The following TM4SF19 variants were observed in gnomAD, a reference collection of about 807,000 sequenced individuals.
TM4SF19 encodes transmembrane 4 L6 family member 19.
TM4SF19 carries 17 observed loss-of-function variants against 21.8 expected under a neutral mutation model. That is an observed-to-expected ratio of 0.78 (90% CI 0.53 to 1.17). The LOEUF is 1.17. Among genes scored for constraint, TM4SF19 ranks in the 50% most tolerant of loss-of-function variants. The probability of loss-of-function intolerance (pLI) is 0.00; values close to 1 mark genes in which losing one functional copy is unlikely to be tolerated. For missense variants in TM4SF19, 216 were observed against 252.1 expected, an observed-to-expected ratio of 0.86 and a Z score of 0.97; for synonymous variants, 107 against 106.7, an observed-to-expected ratio of 1.00 and a Z score of -0.02.
chr3:196,327,917 T>C (rs1385484483), intron 1 of TM4SF19, among the ~76,000 whole-genome samples: 1 of 152,218 alleles, frequency 6.6e-6, no homozygotes, highest in East Asian at 1.9e-4. Context: ...TGATGTCCAT[T>C]GTCTCCACTT....
chr3:196,327,215 C>T (rs12054137), intron 2 of TM4SF19, among the ~76,000 whole-genome samples, 175 bp downstream of exon 2: 43,759 of 152,038 alleles, frequency 0.29, 6,454 homozygotes, highest in Middle Eastern at 0.39. Context: ...CTTTCACACC[C>T]GACCTGCCTG....
intron 1 of TM4SF19, among the ~76,000 whole-genome samples, chr3:196,336,224 C>T (rs1412169834): frequency 1.3e-5 from 2 of 152,042 alleles, no homozygotes; most frequent in African/African-American, 4.8e-5. Flanking sequence ...CTGCTACCTC[C>T]GCCTCCTGGG....
At chr3:196,328,282 A>C (rs902997883) in intron 1 of TM4SF19, among the ~76,000 whole-genome samples, 3 of 151,664 alleles carry the variant, frequency 2.0e-5, no homozygotes, top group Middle Eastern at 3.2e-3. Context: ...CCTGGGTGAC[A>C]CAGCAAGACT....
intron 1 of TM4SF19, among the ~76,000 whole-genome samples, chr3:196,335,602 T>G (rs1727724666): frequency 6.7e-6 from 1 of 148,486 alleles, no homozygotes; most frequent in Non-Finnish European, 1.5e-5. Context: ...TGGGGCAGGG[T>G]GGGGTCAGGA....
intron 1 of TM4SF19, 124 bp downstream of exon 1, chr3:196,338,139 GA>G (rs1157711230): frequency 6.6e-6 from 1 of 152,430 alleles, no homozygotes; most frequent in Non-Finnish European, 1.5e-5. Flanking sequence ...GAAGGTAAGT[GA>G]ATGGCGCAAA....
intron 1 of TM4SF19, among the ~76,000 whole-genome samples, chr3:196,333,123 C>T (rs1011773317): frequency 3.9e-5 from 6 of 152,350 alleles, no homozygotes; most frequent in East Asian, 1.9e-4. Context: ...GTTGGGATTA[C>T]AGGCGTAAGC....
chr3:196,336,950 A>G (rs961666144), intron 1 of TM4SF19, among the ~76,000 whole-genome samples: 23 of 152,042 alleles, frequency 1.5e-4, no homozygotes, highest in African/African-American at 5.1e-4. Context: ...ACTACCTGAC[A>G]GACACTTGGG....
intron 1 of TM4SF19, among the ~76,000 whole-genome samples, chr3:196,329,893 A>G (rs1727439272): frequency 8.7e-6 from 1 of 114,360 alleles, no homozygotes; most frequent in African/African-American, 2.9e-5. Context: ...TTTTTTTGAG[A>G]CAGAGTCTTG....
rs113847222 is a variant in TM4SF19, at chr3:196,334,865, A to C, written c.-2+3399T>G. On this transcript the variant is annotated intron_variant, in intron 1 of 4. Transcript: ENST00000273695. ...GGGGGTTAGGAGAAGGGAGGGGTGC[A>C]CTGGGAGGGTGGGTGTAGGAGAGGG... Among the ~76,000 whole-genome samples, 34 of 34,146 alleles carry C rather than the reference A, an allele frequency of 1.0e-3. 6 individuals carry two copies. The highest frequency in any genetic ancestry group is 3.4e-3 in the South Asian group (2 of 592). 22.4% of individuals were successfully genotyped at this position (34,146 alleles called of 152,430 possible). A position where few individuals can be genotyped will look rare whatever the true frequency, so the allele number is the denominator to read the frequency against.
rs185911952 is a variant in TM4SF19, at chr3:196,327,557, G to A, written c.34C>T (p.Arg12Trp). ...AGTCCCAGGATACGGGAGCAAGTCC[G>A]TGAGCTTGCCTGCGTGCAGGGAGAG... is the stretch of plus-strand genomic sequence containing the variant. ...VSSPCTQASS[R>W]TCSRILGLSL... The change falls in exon 2 of 5, where the codon CGG becomes TGG. Residue 12 changes from arginine (R) to tryptophan (W), a missense_variant. By Grantham distance (101) the Arg-to-Trp change is moderately radical. Transcript: ENST00000273695. 2.9e-5 allele frequency: 46 copies of A among 1,613,718 alleles called. No individual in the cohort carries two copies. In the East Asian group the frequency reaches 3.1e-4, roughly 11 times the overall value.
At chr3:196,324,709 C>G in intron 3 of TM4SF19, 4 of 436,020 alleles carry the variant, frequency 9.2e-6, no homozygotes, top group African/African-American at 2.0e-5. Flanking sequence ...TCGCAGGCCC[C>G]GGATCTCCCT....
Position 196,323,619 on chromosome 3 carries a change from T to C in TM4SF19, c.*198A>G. ...ATAACTTAGTTATTTATCCTATCCATGGATCACCTGGAAGTTTACAATGTG... is the reference window on the plus strand; with the variant it reads ...ATAACTTAGTTATTTATCCTATCCACGGATCACCTGGAAGTTTACAATGTG... On this transcript the variant is annotated 3_prime_UTR_variant, in exon 5 of 5. Coordinates refer to ENST00000273695, the MANE Select transcript of TM4SF19 (RefSeq NM_138461.4). The C allele has an allele frequency of 9.9e-7, 1 of 1,011,160 alleles. No homozygotes were observed. The highest frequency in any genetic ancestry group is 1.7e-5 in the South Asian group (1 of 60,084). 62.6% of individuals were successfully genotyped at this position (1,011,160 alleles called of 1,614,324 possible).
Position 196,327,499 on chromosome 3 carries a change from CCAG to C in TM4SF19, c.89_91del (p.Ala30del). 1 of 1,614,106 alleles carries C rather than the reference CCAG, an allele frequency of 6.2e-7. No homozygotes were observed. The highest frequency in any genetic ancestry group is 8.5e-7 in the Non-Finnish European group (1 of 1,180,032). The stretch of plus-strand genomic sequence containing the variant: ...AGGAAGGAGGAGTGCCACGTTGGCC[CCAG>C]CAGCAAACAGGGCTGCAGTCCCAAG... On this transcript the variant is annotated inframe_deletion, in exon 2 of 5. Coordinates refer to ENST00000273695, the MANE Select transcript of TM4SF19 (RefSeq NM_138461.4).
chr3:196,336,263 T>A (rs1366596886), intron 1 of TM4SF19, among the ~76,000 whole-genome samples: 2 of 151,968 alleles, frequency 1.3e-5, no homozygotes, highest in Non-Finnish European at 2.9e-5. Flanking sequence ...CTCAGACTCC[T>A]GAGTAGCTGG....
intron 3 of TM4SF19, chr3:196,324,672 T>C (rs2108804861): frequency 1.1e-5 from 6 of 525,068 alleles, no homozygotes; most frequent in South Asian, 5.3e-5. Context: ...GAGGGGTTTC[T>C]AGGAGAGAAA....
chr3:196,330,772 G>C (rs963046376), intron 1 of TM4SF19, among the ~76,000 whole-genome samples: 3 of 152,172 alleles, frequency 2.0e-5, no homozygotes, highest in African/African-American at 7.2e-5. Context: ...CTAGATTCTG[G>C]TGGTGAATAC....
At chr3:196,328,058 T>C (rs1727369415) in intron 1 of TM4SF19, among the ~76,000 whole-genome samples, 1 of 152,038 alleles carries the variant, frequency 6.6e-6, no homozygotes, top group East Asian at 1.9e-4. Flanking sequence ...TCCCAGCACT[T>C]TGGGAGGCTG....
At position 196,324,313 on chromosome 3, in the gene TM4SF19, T is replaced by C. The variant is rs200479407; in HGVS notation, c.407A>G (p.Gln136Arg). Residue 136 changes from glutamine (Q) to arginine (R), a missense_variant, in exon 4 of 5, where the codon CAA (glutamine) becomes CGA (arginine). Transcript: ENST00000273695. ...GAATGGGTAACCATATTTCCAAGCT[T>C]GTGTCTGATTGAAGGATGAAACATC... ...MFDVSSFNQT[Q>R]AWKYGYPFKD... 2.6e-4 allele frequency: 415 copies of C among 1,614,028 alleles called. No individual in the cohort carries two copies. The highest frequency in any genetic ancestry group is 3.3e-4 in the Non-Finnish European group (392 of 1,180,034).
rs1186905060 is a variant in TM4SF19, at chr3:196,323,871, GACC to G, written c.573_575del (p.Val193del). The G allele has an allele frequency of 1.2e-6, 2 of 1,614,046 alleles. No homozygotes were observed. The highest frequency in any genetic ancestry group is 2.7e-5 in the African/African-American group (2 of 74,926). On this transcript the variant is annotated inframe_deletion, in exon 5 of 5. Coordinates refer to ENST00000273695, the MANE Select transcript of TM4SF19 (RefSeq NM_138461.4). ...CCAGGAGGCTGTTGATGACATGAAC[GACC>G]ACCAGGAGAAGCTGGAGCAGGCTGA...
Sources: allele counts gnomAD v4.1 joint callset (sites outside exome capture counted in the v4.1 genomes callset), GRCh38; gene constraint gnomAD v4.1.1; transcripts MANE v1.5; gene names NCBI Gene and HGNC (gene_info 2026-07-23, HGNC 2026-07-21).